The following CAMK2A variants were observed in gnomAD, a reference collection of about 807,000 sequenced individuals.
CAMK2A encodes calcium/calmodulin-dependent protein kinase type II subunit alpha.
A neutral mutation model predicts 79.2 loss-of-function variants in CAMK2A; 7 were observed. The observed-to-expected ratio is 0.09, with a 90% CI of 0.05 to 0.17. The LOEUF (loss-of-function observed/expected upper bound fraction) is 0.17, where lower values mean the gene tolerates loss of function less well. Among genes scored for constraint, CAMK2A ranks in the 10% least tolerant of loss-of-function variants. CAMK2A has a pLI of 1.00. For missense variants in CAMK2A, 214 were observed against 646.4 expected, an observed-to-expected ratio of 0.33 and a Z score of 7.25; for synonymous variants, 242 against 251.7, an observed-to-expected ratio of 0.96 and a Z score of 0.36.
chr5:150,245,051 C>T (rs1755503209), intron 13 of CAMK2A, 110 bp downstream of exon 13: 2 of 1,115,028 alleles, frequency 1.8e-6, no homozygotes, highest in Admixed American at 1.9e-5. Flanking sequence ...CCCACGTCTG[C>T]CCAGGACACC....
chr5:150,281,777 A>T (rs1757227208), intron 1 of CAMK2A, among the ~76,000 whole-genome samples: 1 of 152,210 alleles, frequency 6.6e-6, no homozygotes, highest in Admixed American at 6.5e-5. Flanking sequence ...CCTAATTCCC[A>T]AAACAGTTAA....
intron 13 of CAMK2A, among the ~76,000 whole-genome samples, chr5:150,241,565 C>A (rs1444900757): frequency 4.3e-5 from 6 of 140,780 alleles, no homozygotes; most frequent in Non-Finnish European, 9.4e-5. Context: ...CTCCTCTCCT[C>A]TGCCTCCTTC....
intron 1 of CAMK2A, among the ~76,000 whole-genome samples, chr5:150,289,161 CG>C (rs1266065579): frequency 2.6e-5 from 4 of 152,174 alleles, no homozygotes; most frequent in Admixed American, 2.6e-4. Context: ...AAGTGGAGGG[CG>C]GATGGCCACC....
rs541236545 is a variant in CAMK2A at position 150,272,974 on chromosome 5, C to T, written c.157+91G>A. On this transcript the variant is annotated intron_variant, in intron 2 of 18. Transcript: ENST00000671881. ...CTGCCATAAGTATCACCCAGGGGCT[C>T]AGCCCTGGATCCTGGTCTAAACCAA... The T allele has an allele frequency of 2.8e-5, 27 of 974,416 alleles. No homozygotes were observed. The South Asian group carries it at 3.7e-4, about 13-fold the overall frequency. 60.4% of individuals were successfully genotyped at this position (974,416 alleles called of 1,614,324 possible).
chr5:150,232,585 G>A (rs1279600832), intron 15 of CAMK2A, among the ~76,000 whole-genome samples: 18 of 152,204 alleles, frequency 1.2e-4, no homozygotes, highest in Non-Finnish European at 2.6e-4. Context: ...TCCTTCCACA[G>A]GCTTAAGCTT....
upstream of CAMK2A, chr5:150,289,948 T>G: frequency 5.8e-6 from 2 of 347,102 alleles, no homozygotes; most frequent in East Asian, 5.8e-5. Flanking sequence ...CCGCACACAA[T>G]ACTGCAAGCC....
chr5:150,245,037 G>T (rs866574013), intron 13 of CAMK2A, 124 bp downstream of exon 13: 1 of 918,480 alleles, frequency 1.1e-6, no homozygotes, highest in Non-Finnish European at 1.7e-6. Flanking sequence ...GGCCACAAAT[G>T]TGGCCCACGT....
chr5:150,256,915 G>A lies in CAMK2A; in HGVS notation c.273-84C>T. On this transcript the variant is annotated intron_variant, in intron 4 of 18. Transcript: ENST00000671881. The surrounding 1 kb of genome is among the most constrained non-coding windows in gnomAD (Gnocchi z 4.6). ...GAGGAGTCTCCAGGAAACTAAGGAT[G>A]GGGCCCAGGGACCTCAGGACCTCAG... The A allele has an allele frequency of 3.3e-6, 4 of 1,212,998 alleles. No individual in the cohort carries two copies. The highest frequency in any genetic ancestry group is 2.5e-5 in the East Asian group (1 of 39,820). 75.1% of individuals were successfully genotyped at this position (1,212,998 alleles called of 1,614,324 possible).
At chr5:150,266,681 G>A (rs2150296343) in intron 2 of CAMK2A, among the ~76,000 whole-genome samples, 1 of 152,204 alleles carries the variant, frequency 6.6e-6, no homozygotes, top group Non-Finnish European at 1.5e-5. Flanking sequence ...CTCCAGAGCT[G>A]GGCTTTCAAT....
chr5:150,231,343 C>G lies in CAMK2A; in HGVS notation c.1104G>C (p.Leu368=). 6.3e-7 allele frequency: 1 copy of G among 1,592,230 alleles called. No homozygotes were observed. The change falls in exon 16 of 19, where the codon CTG becomes CTC. Residue 368 remains leucine (L), a synonymous_variant. Coordinates refer to ENST00000671881, the MANE Select transcript of CAMK2A (RefSeq NM_015981.4). ...KQEIIKVTEQ[L]IEAISNGDFE... The stretch of plus-strand genomic sequence containing the variant: ...AATCTCCATTGCTTATGGCTTCAAT[C>G]AGCTGCTCTGTCACTTTTATAATTT...
At chr5:150,247,271 C>T (rs1303232490) in intron 12 of CAMK2A, among the ~76,000 whole-genome samples, 6 of 152,248 alleles carry the variant, frequency 3.9e-5, no homozygotes, top group Non-Finnish European at 1.5e-5. Flanking sequence ...TGACCTGGGA[C>T]AAGTCAGAGC....
intron 2 of CAMK2A, chr5:150,265,493 G>T (rs995327693): frequency 1.3e-5 from 2 of 159,830 alleles, no homozygotes; most frequent in African/African-American, 4.8e-5. Context: ...GGCCCCTGGC[G>T]GCAGGCAGGG....
At chr5:150,235,780 C>T (rs973030024) in intron 15 of CAMK2A, among the ~76,000 whole-genome samples, 1 of 152,144 alleles carries the variant, frequency 6.6e-6, no homozygotes, top group African/African-American at 2.4e-5. Context: ...GGTCAGAGTC[C>T]ACCCCACCAG....
rs563900291 is a variant in CAMK2A, at chr5:150,263,425, C to T, written c.217+1531G>A. On this transcript the variant is annotated intron_variant, in intron 3 of 18. Coordinates refer to ENST00000671881, the MANE Select transcript of CAMK2A (RefSeq NM_015981.4). Reference sequence around the variant, plus strand: ...ACACTTACACAGACTCACATACGCACATTCACACACACATTCACACACTCA... The same window carrying T: ...ACACTTACACAGACTCACATACGCATATTCACACACACATTCACACACTCA... 1.1e-4 allele frequency among the ~76,000 whole-genome samples: 16 copies of T among 151,918 alleles called. No homozygotes were observed. The South Asian group carries it at 1.3e-3, about 12-fold the overall frequency.
intron 1 of CAMK2A, among the ~76,000 whole-genome samples, chr5:150,288,964 C>T (rs1356073943): frequency 6.6e-6 from 1 of 152,228 alleles, no homozygotes; most frequent in Non-Finnish European, 1.5e-5. Context: ...TCCCCACCTC[C>T]CAACACCCGG....
At chr5:150,271,230 C>T (rs747450531) in intron 2 of CAMK2A, among the ~76,000 whole-genome samples, 1 of 152,244 alleles carries the variant, frequency 6.6e-6, no homozygotes, top group Admixed American at 6.5e-5. Context: ...TAGTTCCCAG[C>T]CTTCCACAAG....
intron 1 of CAMK2A, among the ~76,000 whole-genome samples, chr5:150,286,402 C>T (rs1421805205): frequency 6.6e-6 from 1 of 152,208 alleles, no homozygotes; most frequent in South Asian, 2.1e-4. Flanking sequence ...CAGCTACTCT[C>T]ACATCCATAG....
intron 3 of CAMK2A, among the ~76,000 whole-genome samples, chr5:150,263,951 G>A (rs1302260500): frequency 6.6e-6 from 1 of 152,206 alleles, no homozygotes; most frequent in Non-Finnish European, 1.5e-5. Context: ...TGCCTTCTGG[G>A]TATAAATAGC....
At chr5:150,248,509 C>A (rs1259023385) in intron 11 of CAMK2A, among the ~76,000 whole-genome samples, 6 of 132,962 alleles carry the variant, frequency 4.5e-5, no homozygotes, top group African/African-American at 1.4e-4. Flanking sequence ...CAACAGGCCC[C>A]GGTGTGTGAT....
Sources: allele counts gnomAD v4.1 joint callset (sites outside exome capture counted in the v4.1 genomes callset), GRCh38; gene constraint gnomAD v4.1.1; non-coding constraint Gnocchi (gnomAD v3.1); transcripts MANE v1.5; gene names NCBI Gene and HGNC (gene_info 2026-07-23, HGNC 2026-07-21).